The following PAM variants were observed in gnomAD, a reference collection of about 807,000 sequenced individuals.
PAM encodes peptidylglycine alpha-amidating monooxygenase.
PAM carries 72 observed loss-of-function variants against 122.1 expected under a neutral mutation model. The observed-to-expected ratio is 0.59, with a 90% CI of 0.49 to 0.72. The LOEUF (loss-of-function observed/expected upper bound fraction) is 0.72. PAM is among the 30% of genes least tolerant of loss of function. PAM has a pLI of 0.00. For missense variants in PAM, 1,106 were observed against 1,183.7 expected, an observed-to-expected ratio of 0.93 and a Z score of 0.96; for synonymous variants, 389 against 404.4, an observed-to-expected ratio of 0.96 and a Z score of 0.46.
At chr5:102,983,480 GAAA>G (rs1562129930) in intron 15 of PAM, among the ~76,000 whole-genome samples, 1 of 147,186 alleles carries the variant, frequency 6.8e-6, no homozygotes, top group African/African-American at 2.6e-5. Context: ...ATTTTAAAAA[GAAA>G]AAAAATATTT....
chr5:102,948,371 T>C lies in PAM; in HGVS notation c.576-7T>C. The C allele has an allele frequency of 6.5e-7, 1 of 1,547,858 alleles. No homozygotes were observed. The highest frequency in any genetic ancestry group is 8.9e-7 in the Non-Finnish European group (1 of 1,126,024). On this transcript the variant is annotated splice_polypyrimidine_tract_variant and splice_region_variant and intron_variant, in intron 8 of 25. Coordinates refer to ENST00000438793, the MANE Select transcript of PAM (RefSeq NM_001177306.2). ...GTATTTTAGAAAAATGTTATTTTTT[T>C]CTGCAGACAGCCTTTAATTGCTGGC...
At chr5:102,986,151 C>T (rs1006248850) in intron 15 of PAM, among the ~76,000 whole-genome samples, 2 of 152,118 alleles carry the variant, frequency 1.3e-5, no homozygotes, top group African/African-American at 4.8e-5. Flanking sequence ...AGAGGAAAGC[C>T]TTTCCTTTAA....
chr5:102,882,870 T>C (rs1791744670), intron 3 of PAM, among the ~76,000 whole-genome samples: 4 of 152,126 alleles, frequency 2.6e-5, no homozygotes, highest in South Asian at 2.1e-4. Context: ...ATATAAGTCT[T>C]TGATCCATCT....
chr5:102,995,296 A>T (rs1371672802), intron 16 of PAM, among the ~76,000 whole-genome samples: 1 of 152,098 alleles, frequency 6.6e-6, no homozygotes, highest in African/African-American at 2.4e-5. Context: ...CTCATATCGC[A>T]ATTTCACACT....
At position 102,932,582 on chromosome 5, in the gene PAM, T is replaced by A. The variant is rs187256669; in HGVS notation, c.526+5914T>A. ...GTGTATGTATAGATATATATACATA[T>A]AATTGTATATATATATCTGCACTCC... is the stretch of plus-strand genomic sequence containing the variant. On this transcript the variant is annotated intron_variant, in intron 7 of 25. Coordinates refer to ENST00000438793, the MANE Select transcript of PAM (RefSeq NM_001177306.2). Among the ~76,000 whole-genome samples, 722 of 148,218 alleles carry A rather than the reference T, an allele frequency of 4.9e-3. 7 individuals are homozygous for A. Among genetic ancestry groups the A allele is most frequent in the African/African-American group, 0.017 (693 of 40,494 alleles).
At chr5:102,988,472 T>G (rs188136941) in intron 15 of PAM, among the ~76,000 whole-genome samples, 1 of 152,314 alleles carries the variant, frequency 6.6e-6, no homozygotes, top group East Asian at 1.9e-4. Context: ...TTATATCCTT[T>G]TATTTACTAA....
chr5:102,797,750 T>C (rs746351009), intron 1 of PAM, among the ~76,000 whole-genome samples: 3 of 152,180 alleles, frequency 2.0e-5, no homozygotes, highest in Admixed American at 2.0e-4. Context: ...TTTTTTAAAA[T>C]AGTATCAGGT....
At chr5:102,986,617 C>T (rs1437057954) in intron 15 of PAM, among the ~76,000 whole-genome samples, 1 of 151,992 alleles carries the variant, frequency 6.6e-6, no homozygotes, top group Admixed American at 6.6e-5. Context: ...TGCTCATGGA[C>T]AGAAAAAAAT....
chr5:102,924,743 A>C (rs1431823251), intron 5 of PAM, among the ~76,000 whole-genome samples: 1 of 152,168 alleles, frequency 6.6e-6, no homozygotes, highest in Admixed American at 6.5e-5. Context: ...TCAGGCAAAA[A>C]AAAAAAAAGT....
chr5:102,864,176 ATATATATAT>A (rs1784884067), intron 1 of PAM, among the ~76,000 whole-genome samples: 1 of 138,828 alleles, frequency 7.2e-6, no homozygotes, highest in Non-Finnish European at 1.5e-5. Flanking sequence ...ATATATATAT[ATATATATAT>A]TTTTTTTTTT....
Position 102,959,954 on chromosome 5 carries a change from T to C in PAM, c.985T>C (p.Cys329Arg). Residue 329 changes from cysteine (C) to arginine (R), a missense_variant, in exon 13 of 26, where the codon TGT (cysteine) becomes CGT (arginine). Around this residue, in one of 3 missense-constraint regions of PAM, gnomAD observed 670 missense variants for 690.3 expected, o/e 0.97. Transcript: ENST00000438793. The part of the protein sequence containing the change: ...EAKHAVSFMT[C>R]TQNVAPDMFR... ...CAAGCATGCAGTTTCTTTCATGACC[T>C]GTACCCAGAATGTAGCTCCAGATAT... The C allele has an allele frequency of 6.2e-7, 1 of 1,611,720 alleles. No homozygotes were observed. Among genetic ancestry groups the C allele is most frequent in the Non-Finnish European group, 8.5e-7 (1 of 1,177,916 alleles).
intron 3 of PAM, among the ~76,000 whole-genome samples, chr5:102,885,094 T>TATATATATATATATATATATATAAAA (rs60241746): frequency 6.8e-6 from 1 of 147,790 alleles, no homozygotes; most frequent in African/African-American, 2.6e-5. Flanking sequence ...TATATATATA[T>TATATATATATATATATATATATAAAA]AACTATAAAA....
At chr5:102,869,577 TG>T (rs2150987354) in intron 3 of PAM, among the ~76,000 whole-genome samples, 1 of 152,328 alleles carries the variant, frequency 6.6e-6, no homozygotes, top group East Asian at 1.9e-4. Flanking sequence ...CATCACTCTC[TG>T]TTGACCATGT....
chr5:102,869,615 T>G (rs1786723103), intron 3 of PAM, among the ~76,000 whole-genome samples: 1 of 152,176 alleles, frequency 6.6e-6, no homozygotes, highest in South Asian at 2.1e-4. Flanking sequence ...TTGGTTCAGC[T>G]GACATACAGA....
rs2150457233 is a variant in PAM at position 102,832,831 on chromosome 5, A to C, written c.-373-32992A>C. On this transcript the variant is annotated intron_variant, in intron 1 of 25. Transcript: ENST00000438793. ...ACCAATACTGGACAAAATGGAGAGCAGAACAGCTAAGTGACTAGGAGCACA... is the reference window on the plus strand; with the variant it reads ...ACCAATACTGGACAAAATGGAGAGCCGAACAGCTAAGTGACTAGGAGCACA... Among the ~76,000 whole-genome samples, 2 of 152,308 alleles carry C rather than the reference A, an allele frequency of 1.3e-5. 1 individual carries two copies. Among genetic ancestry groups the C allele is most frequent in the East Asian group, 3.9e-4 (2 of 5,182 alleles).
At chr5:102,872,505 A>C (rs1312288616) in intron 3 of PAM, among the ~76,000 whole-genome samples, 2 of 152,184 alleles carry the variant, frequency 1.3e-5, no homozygotes, top group African/African-American at 4.8e-5. Flanking sequence ...TAACTTCTTC[A>C]TTTTCTAACA....
At chr5:102,778,291 C>T (rs1757719691) in intron 1 of PAM, among the ~76,000 whole-genome samples, 1 of 152,020 alleles carries the variant, frequency 6.6e-6, no homozygotes, top group Admixed American at 6.6e-5. Context: ...TTCTATCTTC[C>T]CCATAAGATG....
chr5:102,966,850 G>GT (rs1385254075), intron 14 of PAM, among the ~76,000 whole-genome samples: 2 of 152,116 alleles, frequency 1.3e-5, no homozygotes, highest in African/African-American at 2.4e-5. Flanking sequence ...CAAGAGCTGG[G>GT]TTTTTTTAGG....
intron 1 of PAM, among the ~76,000 whole-genome samples, chr5:102,829,447 C>T (rs1352238407): frequency 6.7e-6 from 1 of 150,010 alleles, no homozygotes; most frequent in Non-Finnish European, 1.5e-5. Flanking sequence ...TCTCGGTTCA[C>T]TGCAAGCTCC....
Sources: allele counts gnomAD v4.1 joint callset (sites outside exome capture counted in the v4.1 genomes callset), GRCh38; gene constraint gnomAD v4.1.1; regional missense constraint gnomAD v4.1.1; transcripts MANE v1.5; gene names NCBI Gene and HGNC (gene_info 2026-07-23, HGNC 2026-07-21).